Variants in PCDHGB1 observed in about 807,000 individuals in gnomAD.
PCDHGB1 encodes the protein protocadherin gamma subfamily B, 1.
In PCDHGB1, 34 loss-of-function variants were observed where a neutral mutation model predicts 56.6. That is an observed-to-expected ratio of 0.60 (90% CI 0.46 to 0.80). PCDHGB1 has a LOEUF of 0.80. PCDHGB1 is among the 30% of genes least tolerant of loss of function. The probability of loss-of-function intolerance (pLI) is 0.00; values close to 1 mark genes in which losing one functional copy is unlikely to be tolerated. For synonymous variants in PCDHGB1, 561 were observed against 505.9 expected (o/e 1.11, Z -1.46); for missense variants, 1,278 against 1,204.6 (o/e 1.06, Z -0.90).
chr5:141,369,714 T>G (rs565396016), intron 1 of PCDHGB1, among the ~76,000 whole-genome samples: 2 of 152,150 alleles, frequency 1.3e-5, no homozygotes, highest in Non-Finnish European at 2.9e-5. Flanking sequence ...CATTATAACT[T>G]TTAGAAGTTA....
rs776120937 is a variant in PCDHGB1 at position 141,388,588 on chromosome 5, C to A, written c.2409+35919C>A. On this transcript the variant is annotated intron_variant, in intron 1 of 3. Transcript: ENST00000523390. ...CAGATACACGTTCTAGTGACTGATG[C>A]CAATGATAATGCTCCAGTGTTCAGT... The A allele has an allele frequency of 1.9e-6, 3 of 1,613,876 alleles. No individual in the cohort carries two copies. The South Asian group carries it at 3.3e-5, about 18-fold the overall frequency.
intron 1 of PCDHGB1, chr5:141,382,673 A>G: frequency 2.3e-6 from 1 of 437,012 alleles, no homozygotes; most frequent in Non-Finnish European, 4.0e-6. Context: ...GCCGCTGTTC[A>G]CCAACCAGGG....
intron 1 of PCDHGB1, chr5:141,357,321 T>A (rs1203319140): frequency 6.2e-7 from 1 of 1,613,998 alleles, no homozygotes; most frequent in Non-Finnish European, 8.5e-7. Flanking sequence ...TCCTGGCTTT[T>A]GTCACGGTGC....
rs112078596 is a variant in PCDHGB1, at chr5:141,490,350, G to A, written c.2410-4457G>A. ...GCACACCAGTGGGCACAGTAGTGGG[G>A]TTGTTTAATGTGCGAGACCGGGACT... On this transcript the variant is annotated intron_variant, in intron 1 of 3. Coordinates refer to ENST00000523390, the MANE Select transcript of PCDHGB1 (RefSeq NM_018922.3). The surrounding 1 kb of genome is among the most constrained non-coding windows in gnomAD (Gnocchi z 5.4). 3.5e-5 allele frequency: 57 copies of A among 1,614,086 alleles called. No homozygotes were observed. The highest frequency in any genetic ancestry group is 4.6e-5 in the Non-Finnish European group (54 of 1,180,042).
At chr5:141,495,102 C>A (rs1344771035) in intron 2 of PCDHGB1, among the ~76,000 whole-genome samples, 3 of 152,160 alleles carry the variant, frequency 2.0e-5, no homozygotes, top group Non-Finnish European at 4.4e-5. Flanking sequence ...CTCGCCACGA[C>A]CGGCACCTTT....
chr5:141,382,757 C>T, intron 1 of PCDHGB1: 2 of 657,638 alleles, frequency 3.0e-6, no homozygotes, highest in East Asian at 2.7e-5. Flanking sequence ...GCGATAAGCC[C>T]TCTTCCAGGC....
Position 141,380,667 on chromosome 5 carries a change from T to C in PCDHGB1, c.2409+27998T>C, listed in dbSNP as rs552117625. On this transcript the variant is annotated intron_variant, in intron 1 of 3. Coordinates refer to ENST00000523390, the MANE Select transcript of PCDHGB1 (RefSeq NM_018922.3). Reference sequence around the variant, plus strand: ...AGAGACAATGAAGCCATTTACTCCATAGGGTATGTATGCTTTGTGTTCGGA... The same window carrying C: ...AGAGACAATGAAGCCATTTACTCCACAGGGTATGTATGCTTTGTGTTCGGA... Among the ~76,000 whole-genome samples the C allele has an allele frequency of 2.6e-5, 4 of 152,244 alleles. No homozygotes were observed. The East Asian group carries it at 5.8e-4, about 22-fold the overall frequency.
Position 141,490,703 on chromosome 5 carries a change from G to GCCT in PCDHGB1, c.2410-4102_2410-4100dup. 6.2e-7 allele frequency: 1 copy of GCCT among 1,614,110 alleles called. No individual in the cohort carries two copies. The highest frequency in any genetic ancestry group is 8.5e-7 in the Non-Finnish European group (1 of 1,180,000). Reference sequence around the variant, plus strand: ...GATCCAGACACTGGGGATAATGCCCGCCTCACCTACTCCATTGTAGGAAAT... The same window carrying GCCT: ...GATCCAGACACTGGGGATAATGCCCGCCTCCTCACCTACTCCATTGTAGGAAAT... On this transcript the variant is annotated intron_variant, in intron 1 of 3. Transcript: ENST00000523390. This position sits in a 1 kb window ranked among gnomAD's most constrained non-coding sequence, Gnocchi z 5.4.
chr5:141,414,752 ATG>A, intron 1 of PCDHGB1: 2 of 1,614,228 alleles, frequency 1.2e-6, no homozygotes, highest in Non-Finnish European at 1.7e-6. Context: ...TCCTTCGACT[ATG>A]AGCAGTTTCA....
intron 1 of PCDHGB1, chr5:141,356,690 A>G: frequency 6.2e-7 from 1 of 1,614,024 alleles, no homozygotes; most frequent in Non-Finnish European, 8.5e-7. Flanking sequence ...GACACCTTCC[A>G]GGGTGCACCT....
At chr5:141,390,066 G>A (rs2092035559) in intron 1 of PCDHGB1, 2 of 1,614,052 alleles carry the variant, frequency 1.2e-6, no homozygotes, top group East Asian at 2.2e-5. Flanking sequence ...CTTCCAGCCT[G>A]GTCTCTGTGT....
At chr5:141,364,973 T>G (rs752099711) in intron 1 of PCDHGB1, 1 of 1,613,760 alleles carries the variant, frequency 6.2e-7, no homozygotes, top group Non-Finnish European at 8.5e-7. Flanking sequence ...CCTCACAGCT[T>G]TAGATGGCGG....
chr5:141,389,840 C>T (rs2150401266), intron 1 of PCDHGB1: 2 of 1,614,048 alleles, frequency 1.2e-6, no homozygotes, highest in Non-Finnish European at 8.5e-7. Context: ...AGCCACCACT[C>T]TCGGCCACTG....
intron 1 of PCDHGB1, among the ~76,000 whole-genome samples, chr5:141,358,207 T>TA (rs1313276659): frequency 1.3e-5 from 2 of 152,078 alleles, no homozygotes; most frequent in Non-Finnish European, 2.9e-5. Context: ...TAAAATAAAA[T>TA]AAAGTAAAAT....
Position 141,511,231 on chromosome 5 carries a change from C to T in PCDHGB1, c.*58C>T. On this transcript the variant is annotated 3_prime_UTR_variant, in exon 4 of 4. Coordinates refer to ENST00000523390, the MANE Select transcript of PCDHGB1 (RefSeq NM_018922.3). ...CTCTCCCCAACCAGCCCAGCTTCTC[C>T]TTACCTGCACCCAGGCCTCAGAGTT... 2 of 1,595,900 alleles carry T rather than the reference C, an allele frequency of 1.3e-6. No individual in the cohort carries two copies. The highest frequency in any genetic ancestry group is 2.2e-5 in the South Asian group (2 of 88,992).
rs200254467 is a variant in PCDHGB1 at position 141,419,887 on chromosome 5, C to T, written c.2409+67218C>T. 380 of 1,614,050 alleles carry T rather than the reference C, an allele frequency of 2.4e-4. 1 individual carries two copies. The Admixed American group carries it at 2.6e-3, about 11-fold the overall frequency. ...TGCAAGAGGTACTGCCGGATTTCAGCGACCATCCCACACCCTCTGACTCCC... is the reference window on the plus strand; with the variant it reads ...TGCAAGAGGTACTGCCGGATTTCAGTGACCATCCCACACCCTCTGACTCCC... On this transcript the variant is annotated intron_variant, in intron 1 of 3. Transcript: ENST00000523390.
rs181480719 is a variant in PCDHGB1, at chr5:141,387,482, G to A, written c.2409+34813G>A. 5.3e-5 allele frequency among the ~76,000 whole-genome samples: 8 copies of A among 152,294 alleles called. No individual in the cohort carries two copies. The East Asian group carries it at 1.5e-3, about 29-fold the overall frequency. On this transcript the variant is annotated intron_variant, in intron 1 of 3. Coordinates refer to ENST00000523390, the MANE Select transcript of PCDHGB1 (RefSeq NM_018922.3). ...AAAAATCCTCAAAGTTGGGATGAAG[G>A]CATTCCTAAGAGTACATTTTTAGAC...
chr5:141,486,884 C>G lies in PCDHGB1; in HGVS notation c.2410-7923C>G, dbSNP rs1272694679. On this transcript the variant is annotated intron_variant, in intron 1 of 3. Transcript: ENST00000523390. The surrounding 1 kb of genome is among the most constrained non-coding windows in gnomAD (Gnocchi z 5.0). ...TCCAGCTGTGCTCCGTCCTCGGGCC[C>G]GGCCTGGTTCCTTATGTCCCCAAGC... The G allele has an allele frequency of 6.2e-7, 1 of 1,614,224 alleles. No homozygotes were observed. The highest frequency in any genetic ancestry group is 8.5e-7 in the Non-Finnish European group (1 of 1,180,046).
chr5:141,398,942 G>C (rs748252181), intron 1 of PCDHGB1: 1 of 1,613,766 alleles, frequency 6.2e-7, no homozygotes, highest in Non-Finnish European at 8.5e-7. Context: ...CAAGACGAGG[G>C]CATCAACTCA....
Sources: allele counts gnomAD v4.1 joint callset (sites outside exome capture counted in the v4.1 genomes callset), GRCh38; gene constraint gnomAD v4.1.1; non-coding constraint Gnocchi (gnomAD v3.1); transcripts MANE v1.5; gene names NCBI Gene and HGNC (gene_info 2026-07-23, HGNC 2026-07-21).